Variants in TMEFF2 observed in about 807,000 individuals in gnomAD.
TMEFF2 encodes tomoregulin-2.
Under a neutral mutation model 53.8 loss-of-function variants are expected in TMEFF2, and 28 were observed. The ratio of observed to expected loss-of-function variants is 0.52; its 90% CI spans 0.39 to 0.71. The LOEUF (loss-of-function observed/expected upper bound fraction) is 0.71, where lower values mean the gene tolerates loss of function less well. Among genes scored for constraint, TMEFF2 ranks in the 30% least tolerant of loss-of-function variants. TMEFF2 has a pLI of 0.00. For synonymous variants in TMEFF2, 162 were observed against 166.3 expected (o/e 0.97, Z 0.20); for missense variants, 353 against 455.2 (o/e 0.78, Z 2.04).
chr2:191,974,348 AGG>A (rs2105807614), intron 7 of TMEFF2, among the ~76,000 whole-genome samples: 1 of 152,222 alleles, frequency 6.6e-6, no homozygotes. Flanking sequence ...TCATAACTAT[AGG>A]TGTTTCGCAT....
chr2:192,049,636 C>A (rs10497721), intron 5 of TMEFF2, among the ~76,000 whole-genome samples: 14,598 of 151,904 alleles, frequency 0.096, 936 homozygotes, highest in East Asian at 0.31. Context: ...TGAGTGAGCA[C>A]CAAAAGTTAG....
chr2:192,150,260 T>C (rs1357638921), intron 4 of TMEFF2, among the ~76,000 whole-genome samples: 1 of 151,906 alleles, frequency 6.6e-6, no homozygotes, highest in South Asian at 2.1e-4. Context: ...AGAATTGTTA[T>C]TAAAATAATC....
At chr2:192,050,004 C>T (rs1367868494) in intron 5 of TMEFF2, among the ~76,000 whole-genome samples, 4 of 151,792 alleles carry the variant, frequency 2.6e-5, no homozygotes, top group African/African-American at 4.8e-5. Context: ...CCATCTCAAA[C>T]AAACAAACAA....
chr2:192,048,744 T>C (rs188535303), intron 5 of TMEFF2, among the ~76,000 whole-genome samples: 69 of 152,304 alleles, frequency 4.5e-4, no homozygotes, highest in East Asian at 1.3e-3. Flanking sequence ...ACAGCAGAAA[T>C]AGACATTTGT....
chr2:192,126,607 T>C (rs1689684331), intron 4 of TMEFF2, among the ~76,000 whole-genome samples: 1 of 152,264 alleles, frequency 6.6e-6, no homozygotes, highest in South Asian at 2.1e-4. Context: ...GTAATTACAT[T>C]TGGTATGAAG....
At chr2:192,116,080 C>T (rs1415589579) in intron 4 of TMEFF2, among the ~76,000 whole-genome samples, 4 of 151,912 alleles carry the variant, frequency 2.6e-5, no homozygotes, top group Non-Finnish European at 5.9e-5. Context: ...ATGGAAACAA[C>T]TGAAGTGTCC....
rs570153491 is a variant in TMEFF2 at position 192,130,747 on chromosome 2, C to T, written c.439+48921G>A. Among the ~76,000 whole-genome samples, 998 of 152,082 alleles carry T rather than the reference C, an allele frequency of 6.6e-3. 12 individuals are homozygous for T. Among genetic ancestry groups the T allele is most frequent in the African/African-American group, 0.022 (910 of 41,514 alleles). ...CTTTTCAGACTCAGCCCGCCTGCAC[C>T]CAGGTGAAATAAACAGCCATGTTGC... On this transcript the variant is annotated intron_variant, in intron 4 of 9. Coordinates refer to ENST00000272771, the MANE Select transcript of TMEFF2 (RefSeq NM_016192.4).
At chr2:192,163,750 T>A (rs1690687755) in intron 4 of TMEFF2, among the ~76,000 whole-genome samples, 1 of 152,198 alleles carries the variant, frequency 6.6e-6, no homozygotes. Flanking sequence ...CACATTTTCA[T>A]GTCTTAAAAG....
intron 7 of TMEFF2, among the ~76,000 whole-genome samples, chr2:191,979,270 A>T (rs1263715260): frequency 6.6e-6 from 1 of 152,226 alleles, no homozygotes; most frequent in Non-Finnish European, 1.5e-5. Flanking sequence ...TTTGGTTTTC[A>T]TGTCACTGTT....
chr2:192,054,049 T>G (rs1465505579), intron 5 of TMEFF2, among the ~76,000 whole-genome samples: 1 of 152,054 alleles, frequency 6.6e-6, no homozygotes, highest in African/African-American at 2.4e-5. Context: ...GTCTTGGAAG[T>G]CTAATGATCT....
At chr2:192,137,705 A>C (rs1301214430) in intron 4 of TMEFF2, among the ~76,000 whole-genome samples, 1 of 151,636 alleles carries the variant, frequency 6.6e-6, no homozygotes, top group Non-Finnish European at 1.5e-5. Context: ...AGATATCTGC[A>C]TACCTATACA....
rs1687218456 is a variant in TMEFF2 at position 192,034,110 on chromosome 2, G to A, written c.536+23569C>T. ...GAATGGCGTGAACCCGGGAGGCGGAGCTTGCAGTGAGCCGAGATCGTGCCA... is the reference window on the plus strand; with the variant it reads ...GAATGGCGTGAACCCGGGAGGCGGAACTTGCAGTGAGCCGAGATCGTGCCA... On this transcript the variant is annotated intron_variant, in intron 5 of 9. Coordinates refer to ENST00000272771, the MANE Select transcript of TMEFF2 (RefSeq NM_016192.4). Among the ~76,000 whole-genome samples the A allele has an allele frequency of 2.0e-5, 3 of 148,332 alleles. No individual in the cohort carries two copies. The South Asian group carries it at 6.3e-4, about 31-fold the overall frequency.
At chr2:192,103,901 G>A (rs538960881) in intron 4 of TMEFF2, among the ~76,000 whole-genome samples, 10 of 151,812 alleles carry the variant, frequency 6.6e-5, no homozygotes, top group South Asian at 2.1e-4. Flanking sequence ...GAATAGCAGC[G>A]GGTCTAGATC....
chr2:192,064,813 C>A (rs889370282), intron 4 of TMEFF2, among the ~76,000 whole-genome samples: 5 of 151,734 alleles, frequency 3.3e-5, no homozygotes, highest in African/African-American at 1.2e-4. Context: ...AAGACACATT[C>A]CAAAATATGG....
chr2:192,173,811 C>A (rs1487674605), intron 4 of TMEFF2, among the ~76,000 whole-genome samples: 1 of 151,680 alleles, frequency 6.6e-6, no homozygotes, highest in African/African-American at 2.4e-5. Flanking sequence ...ATTACTATCC[C>A]ACCATCAATA....
At chr2:191,976,276 A>G (rs976522558) in intron 7 of TMEFF2, among the ~76,000 whole-genome samples, 1 of 152,202 alleles carries the variant, frequency 6.6e-6, no homozygotes, top group African/African-American at 2.4e-5. Flanking sequence ...TTACAGGTTT[A>G]TTATGAGGAA....
chr2:192,100,812 ATAT>A (rs1316680331), intron 4 of TMEFF2, among the ~76,000 whole-genome samples: 1 of 152,238 alleles, frequency 6.6e-6, no homozygotes, highest in Non-Finnish European at 1.5e-5. Flanking sequence ...TGCAGATTAT[ATAT>A]TATAGTTCAC....
intron 4 of TMEFF2, among the ~76,000 whole-genome samples, chr2:192,060,594 G>A (rs1298137809): frequency 2.0e-5 from 3 of 152,084 alleles, no homozygotes; most frequent in African/African-American, 7.2e-5. Flanking sequence ...AATATAAATT[G>A]CAATTCTTAG....
At chr2:192,087,754 C>A (rs947068630) in intron 4 of TMEFF2, among the ~76,000 whole-genome samples, 2 of 152,080 alleles carry the variant, frequency 1.3e-5, no homozygotes, top group African/African-American at 4.8e-5. Context: ...TGAGGAAGTT[C>A]TCTATATCAT....
Sources: gnomAD v4.1 joint callset for allele counts (sites outside exome capture counted in the v4.1 genomes callset) on GRCh38, gnomAD v4.1.1 for gene constraint, MANE v1.5 for transcripts, NCBI Gene and HGNC (gene_info 2026-07-23, HGNC 2026-07-21) for gene names.